Variants in RSU1 observed in about 807,000 individuals in gnomAD.
RSU1 encodes the protein rsu-1.
In RSU1, 26 loss-of-function variants were observed where a neutral mutation model predicts 31.1. The observed-to-expected ratio is 0.84, with a 90% CI of 0.61 to 1.16. The LOEUF is 1.16. Among genes scored for constraint, RSU1 ranks in the 50% most tolerant of loss-of-function variants. The pLI is 0.00. For synonymous variants in RSU1, 164 were observed against 136.3 expected, an observed-to-expected ratio of 1.20 and a Z score of -1.41; for missense variants, 320 against 339.1, an observed-to-expected ratio of 0.94 and a Z score of 0.44.
chr10:16,669,761 T>C (rs1301332957), intron 8 of RSU1, among the ~76,000 whole-genome samples: 1 of 152,168 alleles, frequency 6.6e-6, no homozygotes, highest in African/African-American at 2.4e-5. Flanking sequence ...CATGATCTCA[T>C]TCCTATATTA....
intron 8 of RSU1, among the ~76,000 whole-genome samples, chr10:16,682,650 G>A (rs546610678): frequency 6.6e-6 from 1 of 151,552 alleles, no homozygotes; most frequent in Admixed American, 6.6e-5. Flanking sequence ...TGGAGTAGCT[G>A]TTCTTTCACC....
At chr10:16,647,483 A>T (rs1834593868) in intron 8 of RSU1, among the ~76,000 whole-genome samples, 1 of 152,260 alleles carries the variant, frequency 6.6e-6, no homozygotes, top group Admixed American at 6.5e-5. Context: ...TAATAGCCAG[A>T]ATAACCCAAA....
intron 8 of RSU1, among the ~76,000 whole-genome samples, chr10:16,665,053 C>T (rs1239700010): frequency 6.6e-6 from 1 of 152,132 alleles, no homozygotes; most frequent in African/African-American, 2.4e-5. Context: ...AAGCAATTCT[C>T]CTGCTTCAGT....
intron 2 of RSU1, among the ~76,000 whole-genome samples, chr10:16,802,803 G>C (rs1025707653): frequency 6.6e-6 from 1 of 152,090 alleles, no homozygotes; most frequent in African/African-American, 2.4e-5. Context: ...TATATGCATA[G>C]AGGCAGAAAA....
intron 7 of RSU1, among the ~76,000 whole-genome samples, chr10:16,730,228 G>T (rs1027445784): frequency 2.0e-5 from 3 of 152,128 alleles, no homozygotes; most frequent in African/African-American, 7.2e-5. Context: ...ATTCAAGAGG[G>T]ATCCGCCCCA....
At chr10:16,779,679 G>A (rs1437055879) in intron 3 of RSU1, among the ~76,000 whole-genome samples, 1 of 152,180 alleles carries the variant, frequency 6.6e-6, no homozygotes, top group African/African-American at 2.4e-5. Context: ...GGCGTTGTCA[G>A]CTGGTCCCTA....
chr10:16,782,154 C>A, intron 2 of RSU1, 70 bp from the exon 3 acceptor site: 2 of 1,252,664 alleles, frequency 1.6e-6, no homozygotes, highest in Admixed American at 1.9e-5. Flanking sequence ...TACCTGTACT[C>A]CTACAAAGCA....
intron 7 of RSU1, among the ~76,000 whole-genome samples, chr10:16,742,027 G>A (rs1351527455): frequency 6.6e-6 from 1 of 152,088 alleles, no homozygotes; most frequent in Non-Finnish European, 1.5e-5. Flanking sequence ...TTCTGGTATG[G>A]TTAAGATGGA....
At chr10:16,727,808 A>T (rs1836428400) in intron 7 of RSU1, among the ~76,000 whole-genome samples, 1 of 152,122 alleles carries the variant, frequency 6.6e-6, no homozygotes, top group African/African-American at 2.4e-5. Context: ...AGACAACCAA[A>T]TTTCATTGCA....
At chr10:16,799,377 A>G (rs978909438) in intron 2 of RSU1, among the ~76,000 whole-genome samples, 12 of 152,230 alleles carry the variant, frequency 7.9e-5, no homozygotes, top group Admixed American at 7.2e-4. Context: ...ATCTAGAGAC[A>G]GGCAAACACA....
intron 2 of RSU1, among the ~76,000 whole-genome samples, chr10:16,786,917 G>A (rs1837803472): frequency 6.6e-6 from 1 of 152,078 alleles, no homozygotes; most frequent in African/African-American, 2.4e-5. Context: ...AGGAGGAGTG[G>A]GCCAGCTTAA....
chr10:16,596,450 C>T (rs1833615014), intron 8 of RSU1, among the ~76,000 whole-genome samples: 1 of 152,178 alleles, frequency 6.6e-6, no homozygotes, highest in African/African-American at 2.4e-5. Flanking sequence ...TGTTGATCTA[C>T]TCAGGGCCAC....
chr10:16,668,911 C>T lies in RSU1; in HGVS notation c.731+26112G>A, dbSNP rs1588704320. Among the ~76,000 whole-genome samples the T allele has an allele frequency of 3.3e-5, 5 of 152,246 alleles. No individual in the cohort carries two copies. In the South Asian group the frequency reaches 1.0e-3, roughly 32 times the overall value. ...GAAAGCCTGTTGTGTACAAATATGG[C>T]TGGTTATATGTTTAAGGTTACCAAA... is the stretch of plus-strand genomic sequence containing the variant. On this transcript the variant is annotated intron_variant, in intron 8 of 8. Coordinates refer to ENST00000345264, the MANE Select transcript of RSU1 (RefSeq NM_012425.4).
intron 2 of RSU1, among the ~76,000 whole-genome samples, chr10:16,790,674 C>T (rs771506465): frequency 7.2e-5 from 11 of 152,060 alleles, no homozygotes; most frequent in Non-Finnish European, 1.6e-4. Context: ...GAATTGTAAT[C>T]GTTTGTGTTG....
rs375378422 is a variant in RSU1, at chr10:16,609,028, T to G, written c.732-15532A>C. Among the ~76,000 whole-genome samples, 3 of 151,684 alleles carry G rather than the reference T, an allele frequency of 2.0e-5. No homozygotes were observed. In the East Asian group the frequency reaches 5.8e-4, roughly 29 times the overall value. On this transcript the variant is annotated intron_variant, in intron 8 of 8. Coordinates refer to ENST00000345264, the MANE Select transcript of RSU1 (RefSeq NM_012425.4). ...TTAAATATTTTGTAGAGATAGGGCC[T>G]TGCTATATTGCCCAGGCTAATATAG...
chr10:16,691,200 T>C (rs1399354552), intron 8 of RSU1, among the ~76,000 whole-genome samples: 3 of 152,146 alleles, frequency 2.0e-5, no homozygotes, highest in East Asian at 3.9e-4. Flanking sequence ...ATTTTTCAGA[T>C]AGGATACTAA....
intron 8 of RSU1, among the ~76,000 whole-genome samples, chr10:16,655,990 TG>T (rs1430770275): frequency 6.8e-6 from 1 of 147,350 alleles, no homozygotes; most frequent in Non-Finnish European, 1.5e-5. Context: ...ATACAAGAAA[TG>T]TGATTTTTTT....
intron 8 of RSU1, among the ~76,000 whole-genome samples, chr10:16,691,165 C>G (rs1490083099): frequency 6.6e-6 from 1 of 152,042 alleles, no homozygotes; most frequent in Non-Finnish European, 1.5e-5. Context: ...TAAAAAGTAG[C>G]CAAATACCTG....
intron 8 of RSU1, among the ~76,000 whole-genome samples, chr10:16,625,772 G>C (rs1356267931): frequency 6.6e-6 from 1 of 152,202 alleles, no homozygotes. Flanking sequence ...CCATCCTCTT[G>C]AGGGCCCATT....
Sources: gnomAD v4.1 joint callset for allele counts (sites outside exome capture counted in the v4.1 genomes callset) on GRCh38, gnomAD v4.1.1 for gene constraint, MANE v1.5 for transcripts, NCBI Gene and HGNC (gene_info 2026-07-23, HGNC 2026-07-21) for gene names.